STK31: variants seen among roughly 807,000 people sequenced by gnomAD.
The protein encoded by STK31 is serine/threonine-protein kinase 31.
A neutral mutation model predicts 129.7 loss-of-function variants in STK31; 89 were observed. The ratio of observed to expected loss-of-function variants is 0.69; its 90% CI spans 0.58 to 0.82. STK31 has a LOEUF of 0.82. STK31 is among the 40% of genes least tolerant of loss of function. The pLI is 0.00. For missense variants in STK31, 1,187 were observed against 1,176.4 expected, an observed-to-expected ratio of 1.01 and a Z score of -0.13; for synonymous variants, 448 against 395.3, an observed-to-expected ratio of 1.13 and a Z score of -1.58.
chr7:23,755,418 C>T (rs141864813), intron 10 of STK31, among the ~76,000 whole-genome samples: 278 of 152,192 alleles, frequency 1.8e-3, no homozygotes, highest in Non-Finnish European at 3.0e-3. Flanking sequence ...GGGTAGATTG[C>T]AAAAATTTTC....
At chr7:23,726,429 C>CAAAAAAAAAAAAAAAA (rs70956913) in intron 4 of STK31, 1 of 79,134 alleles carries the variant, frequency 1.3e-5, no homozygotes, top group Non-Finnish European at 2.2e-5. Flanking sequence ...CTTGCCTCTA[C>CAAAAAAAAAAAAAAAA]AAAAAAAAAA....
Position 23,710,293 on chromosome 7 carries a change from T to TC in STK31, c.10dup (p.Gln4ProfsTer6). The TC allele has an allele frequency of 1.9e-6, 3 of 1,611,454 alleles. No homozygotes were observed. The highest frequency in any genetic ancestry group is 2.5e-6 in the Non-Finnish European group (3 of 1,179,848). Reference sequence around the variant, plus strand: ...GAGGGCCGAAAGTCCAGTATGTGGGTCCAGGGTCACTCTTCTAGAGCTTCC... The same window carrying TC: ...GAGGGCCGAAAGTCCAGTATGTGGGTCCCAGGGTCACTCTTCTAGAGCTTCC... On this transcript the variant is annotated frameshift_variant, in exon 1 of 24. Coordinates refer to ENST00000355870, the MANE Select transcript of STK31 (RefSeq NM_031414.5). LOFTEE classifies it high-confidence loss of function.
intron 10 of STK31, among the ~76,000 whole-genome samples, chr7:23,762,213 T>A (rs1378880671): frequency 6.6e-6 from 1 of 151,720 alleles, no homozygotes; most frequent in Middle Eastern, 3.2e-3. Flanking sequence ...ATTAGGTATA[T>A]CTCCTAATGC....
chr7:23,713,038 G>T (rs111644248), intron 3 of STK31, among the ~76,000 whole-genome samples: 489 of 152,244 alleles, frequency 3.2e-3, no homozygotes, highest in Middle Eastern at 6.8e-3. Context: ...GATTAACCCA[G>T]AGTTCTTAAA....
intron 6 of STK31, among the ~76,000 whole-genome samples, chr7:23,735,275 T>G (rs561711374): frequency 1.5e-3 from 224 of 152,346 alleles, no homozygotes; most frequent in African/African-American, 5.0e-3. Flanking sequence ...AAAAAACTAT[T>G]CTAGGATATT....
Position 23,762,341 on chromosome 7 carries a change from G to A in STK31, c.1294-460G>A, listed in dbSNP as rs567922202. 3.3e-5 allele frequency among the ~76,000 whole-genome samples: 5 copies of A among 149,746 alleles called. No homozygotes were observed. In the East Asian group the frequency reaches 9.9e-4, roughly 30 times the overall value. On this transcript the variant is annotated intron_variant, in intron 10 of 23. Transcript: ENST00000355870. Reference sequence around the variant, plus strand: ...ATAGTTTTAATACAGTATGGTAAGTGCTATAATAAAGAAAATGCATAGAGT... The same window carrying A: ...ATAGTTTTAATACAGTATGGTAAGTACTATAATAAAGAAAATGCATAGAGT...
At chr7:23,801,974 T>G (rs1407103185) in intron 22 of STK31, among the ~76,000 whole-genome samples, 1 of 152,236 alleles carries the variant, frequency 6.6e-6, no homozygotes, top group Non-Finnish European at 1.5e-5. Flanking sequence ...GTATGATTCT[T>G]TTTCAGATTT....
At chr7:23,727,179 T>C (rs1787138548) in intron 4 of STK31, 62 bp from the exon 5 acceptor site, 1 of 1,364,606 alleles carries the variant, frequency 7.3e-7, no homozygotes, top group African/African-American at 1.4e-5. Flanking sequence ...TGCTAACCTT[T>C]ATTCTGATCT....
intron 22 of STK31, among the ~76,000 whole-genome samples, chr7:23,799,747 A>G (rs968226250): frequency 6.6e-6 from 1 of 152,244 alleles, no homozygotes; most frequent in Non-Finnish European, 1.5e-5. Flanking sequence ...ATGGGATCTA[A>G]TTAAACTAAA....
At chr7:23,742,673 T>C (rs1788118486) in intron 8 of STK31, among the ~76,000 whole-genome samples, 1 of 152,234 alleles carries the variant, frequency 6.6e-6, no homozygotes, top group Non-Finnish European at 1.5e-5. Flanking sequence ...GGTTTCTGGC[T>C]AGGCATGCTT....
In STK31 at chr7:23,744,893, T is replaced by G. The variant is rs142978103; in HGVS notation, c.1017+7815T>G. 5.3e-3 allele frequency among the ~76,000 whole-genome samples: 813 copies of G among 152,316 alleles called. 4 individuals are homozygous for G. The highest frequency in any genetic ancestry group is 0.018 in the African/African-American group (769 of 41,570). On this transcript the variant is annotated intron_variant, in intron 8 of 23. Transcript: ENST00000355870. Reference sequence around the variant, plus strand: ...GGACAGCACATGCTGGCACTACTGTTAGAAAGCCCAGGTTGGCCAGTGCTT... The same window carrying G: ...GGACAGCACATGCTGGCACTACTGTGAGAAAGCCCAGGTTGGCCAGTGCTT...
Position 23,790,831 on chromosome 7 carries a change from G to A in STK31, c.2645G>A (p.Arg882Gln), listed in dbSNP as rs1302905060. The A allele has an allele frequency of 2.8e-5, 44 of 1,591,646 alleles. No homozygotes were observed. The highest frequency in any genetic ancestry group is 3.4e-5 in the Non-Finnish European group (40 of 1,172,172). The change falls in exon 22 of 24, where the codon CGA becomes CAA. Residue 882 changes from arginine (R) to glutamine (Q), a missense_variant. By Grantham distance (43) the Arg-to-Gln change is conservative. This residue lies in a region of STK31 where 975 missense variants were observed against 934.9 expected (regional missense o/e 1.04). Coordinates refer to ENST00000355870, the MANE Select transcript of STK31 (RefSeq NM_031414.5). ...DFDFTKSVSQ[R>Q]ASVNMMVGDL... The stretch of plus-strand genomic sequence containing the variant: ...AAAATATTGTTTTTGCAGAGTCAGC[G>A]AGCCTCGGTGAACATGATGGTTGGT...
intron 1 of STK31, chr7:23,710,612 G>T: frequency 1.6e-6 from 2 of 1,273,500 alleles, no homozygotes; most frequent in Non-Finnish European, 2.0e-6. Flanking sequence ...CGAAAATTCT[G>T]TGCCATTTAA....
intron 11 of STK31, among the ~76,000 whole-genome samples, chr7:23,766,696 C>T (rs1789850913): frequency 6.6e-6 from 1 of 152,096 alleles, no homozygotes; most frequent in African/African-American, 2.4e-5. Context: ...TGAGCCAGTT[C>T]AGTCTGAGGT....
chr7:23,752,434 C>G (rs916919885), intron 8 of STK31, among the ~76,000 whole-genome samples: 6 of 151,138 alleles, frequency 4.0e-5, no homozygotes, highest in South Asian at 4.2e-4. Context: ...GCTGCAACCT[C>G]TGCCTCCCTA....
In STK31 at chr7:23,781,504, A is replaced by G. The variant is rs41273999; in HGVS notation, c.2051A>G (p.His684Arg). The change falls in exon 16 of 24, where the codon CAT becomes CGT. Residue 684 changes from histidine (H) to arginine (R), a missense_variant. Physicochemically the swap from His to Arg is conservative, Grantham distance 29 (BLOSUM62 0). Coordinates refer to ENST00000355870, the MANE Select transcript of STK31 (RefSeq NM_031414.5). ...LRNNVFQEIY[H>R]EREEYEMLTS... is the part of the protein sequence containing the mutation. The stretch of plus-strand genomic sequence containing the variant: ...AATAATGTCTTTCAGGAAATTTATC[A>G]TGAGAGAGAGGAATATGTAAGTATT... 9,370 of 1,607,600 alleles carry G rather than the reference A, an allele frequency of 5.8e-3. 69 individuals carry two copies. The highest frequency in any genetic ancestry group is 0.028 in the South Asian group (2,490 of 89,802).
chr7:23,790,305 T>G (rs1791544423), intron 21 of STK31, among the ~76,000 whole-genome samples: 1 of 152,150 alleles, frequency 6.6e-6, no homozygotes, highest in South Asian at 2.1e-4. Flanking sequence ...AAAAAAGAGG[T>G]TAAAGCCCTC....
At position 23,788,947 on chromosome 7, in the gene STK31, T is replaced by A. The variant is rs192669890; in HGVS notation, c.2637+818T>A. 1.6e-4 allele frequency among the ~76,000 whole-genome samples: 25 copies of A among 152,288 alleles called. No individual in the cohort carries two copies. In the East Asian group the frequency reaches 4.6e-3, roughly 28 times the overall value. ...TCCCAAAAAGAAAATCCATACTGAT[T>A]AGCAGTCACTCAAATTTCCCACTTC... is the stretch of plus-strand genomic sequence containing the variant. On this transcript the variant is annotated intron_variant, in intron 21 of 23. Coordinates refer to ENST00000355870, the MANE Select transcript of STK31 (RefSeq NM_031414.5).
chr7:23,809,898 T>C lies in STK31; in HGVS notation c.2761-5246T>C, dbSNP rs186471452. 1.5e-4 allele frequency among the ~76,000 whole-genome samples: 23 copies of C among 152,314 alleles called. No homozygotes were observed. The East Asian group carries it at 4.2e-3, about 28-fold the overall frequency. ...TAGGTTTGTGTAAGTACATTTGTTA[T>C]GATGTTCACACAAGGATGAAATTGC... On this transcript the variant is annotated intron_variant, in intron 22 of 23. Coordinates refer to ENST00000355870, the MANE Select transcript of STK31 (RefSeq NM_031414.5).
Sources: gnomAD v4.1 joint callset for allele counts (sites outside exome capture counted in the v4.1 genomes callset) on GRCh38, gnomAD v4.1.1 for gene constraint, gnomAD v4.1.1 regional missense constraint, MANE v1.5 for transcripts, NCBI Gene and HGNC (gene_info 2026-07-23, HGNC 2026-07-21) for gene names.